Variants in MED27 observed in about 807,000 individuals in gnomAD.
MED27 encodes the protein mediator of RNA polymerase II transcription subunit 27.
Under a neutral mutation model 38.2 loss-of-function variants are expected in MED27, and 30 were observed. That is an observed-to-expected ratio of 0.79 (90% CI 0.59 to 1.07). MED27 has a LOEUF of 1.07. Among genes scored for constraint, MED27 ranks in the 50% least tolerant of loss-of-function variants. MED27 has a pLI of 0.00. For synonymous variants in MED27, 122 were observed against 153.5 expected, an observed-to-expected ratio of 0.79 and a Z score of 1.52; for missense variants, 289 against 397.5, an observed-to-expected ratio of 0.73 and a Z score of 2.32.
At chr9:131,942,384 T>C (rs1286579745) in intron 3 of MED27, among the ~76,000 whole-genome samples, 3 of 152,212 alleles carry the variant, frequency 2.0e-5, no homozygotes, top group Admixed American at 1.3e-4. Flanking sequence ...ACCAGGTCAC[T>C]GGAAACATTT....
In MED27 at chr9:132,034,579, C is replaced by T. The variant is rs920699267; in HGVS notation, c.349-20112G>A. Among the ~76,000 whole-genome samples, 9 of 152,202 alleles carry T rather than the reference C, an allele frequency of 5.9e-5. No individual in the cohort carries two copies. In the South Asian group the frequency reaches 6.2e-4, roughly 11 times the overall value. ...GTCGAAAGGTAGCTAAAACTGAGCA[C>T]GTGATCAAGAATGGAACCTCAGCGC... On this transcript the variant is annotated intron_variant, in intron 2 of 7. Transcript: ENST00000292035.
chr9:131,874,383 C>T (rs1589174424), intron 6 of MED27, among the ~76,000 whole-genome samples: 1 of 152,332 alleles, frequency 6.6e-6, no homozygotes, highest in East Asian at 1.9e-4. Context: ...GCCACACCTG[C>T]CACATCTCCA....
intron 2 of MED27, among the ~76,000 whole-genome samples, chr9:132,024,243 C>T (rs1303441537): frequency 1.3e-5 from 2 of 152,220 alleles, no homozygotes; most frequent in African/African-American, 4.8e-5. Context: ...ATTGGGCACA[C>T]TCCCTAAGGC....
chr9:131,978,531 A>G (rs1831659713), intron 3 of MED27, among the ~76,000 whole-genome samples: 1 of 152,252 alleles, frequency 6.6e-6, no homozygotes, highest in Non-Finnish European at 1.5e-5. Flanking sequence ...TTAGAGGTCC[A>G]TAGTGAAATG....
At chr9:131,995,603 C>G (rs1038507887) in intron 3 of MED27, among the ~76,000 whole-genome samples, 1 of 152,162 alleles carries the variant, frequency 6.6e-6, no homozygotes, top group African/African-American at 2.4e-5. Flanking sequence ...GAGTCAGCAC[C>G]ACCATCCAAG....
chr9:132,064,400 G>C (rs1833766432), intron 2 of MED27, among the ~76,000 whole-genome samples: 1 of 152,176 alleles, frequency 6.6e-6, no homozygotes. Flanking sequence ...CTTTGCTACA[G>C]AGTCACCAAT....
At chr9:132,077,172 A>G (rs1192569315) in intron 2 of MED27, among the ~76,000 whole-genome samples, 1 of 152,232 alleles carries the variant, frequency 6.6e-6, no homozygotes, top group Non-Finnish European at 1.5e-5. Flanking sequence ...TAAGGGGTTC[A>G]TAAGAGTTGC....
intron 6 of MED27, among the ~76,000 whole-genome samples, chr9:131,877,871 G>A (rs953390925): frequency 6.6e-6 from 1 of 152,204 alleles, no homozygotes; most frequent in Non-Finnish European, 1.5e-5. Flanking sequence ...TCAGAGAACT[G>A]AGTCTTCTAG....
intron 2 of MED27, among the ~76,000 whole-genome samples, chr9:132,069,946 C>G (rs1405934880): frequency 6.6e-6 from 1 of 152,168 alleles, no homozygotes; most frequent in Non-Finnish European, 1.5e-5. Flanking sequence ...TTAAAATGAG[C>G]AAGAATAAAG....
intron 3 of MED27, among the ~76,000 whole-genome samples, chr9:131,983,403 T>C (rs1270320271): frequency 2.0e-5 from 3 of 152,232 alleles, no homozygotes; most frequent in African/African-American, 7.2e-5. Flanking sequence ...CAGTGTTTTG[T>C]CATTCTGCAA....
At chr9:131,900,167 C>T (rs1305083026) in intron 4 of MED27, among the ~76,000 whole-genome samples, 2 of 152,176 alleles carry the variant, frequency 1.3e-5, no homozygotes, top group African/African-American at 2.4e-5. Context: ...AAGCCCAGCC[C>T]GCCTCCCATC....
intron 2 of MED27, among the ~76,000 whole-genome samples, chr9:132,037,752 G>A (rs1049968448): frequency 6.6e-6 from 1 of 152,146 alleles, no homozygotes; most frequent in African/African-American, 2.4e-5. Context: ...AAATGAAAGT[G>A]GGCAAAACAG....
At chr9:131,922,384 G>A (rs1830408802) in intron 4 of MED27, among the ~76,000 whole-genome samples, 1 of 150,398 alleles carries the variant, frequency 6.6e-6, no homozygotes, top group African/African-American at 2.4e-5. Context: ...TATTTATTTT[G>A]GTGTTCAATT....
Position 131,860,772 on chromosome 9 carries a change from C to A in MED27, c.802-100G>T, listed in dbSNP as rs561740016. 3 of 1,400,262 alleles carry A rather than the reference C, an allele frequency of 2.1e-6. No individual in the cohort carries two copies. Among genetic ancestry groups the A allele is most frequent in the East Asian group, 5.0e-5 (2 of 39,950 alleles). 86.7% of individuals were successfully genotyped at this position (1,400,262 alleles called of 1,614,324 possible). Reference sequence around the variant, plus strand: ...TAATGGCCCAGACAACTTAAGTTGGCTTTGGCCCCAGAAGATGCCCTGTGA... The same window carrying A: ...TAATGGCCCAGACAACTTAAGTTGGATTTGGCCCCAGAAGATGCCCTGTGA... On this transcript the variant is annotated intron_variant, in intron 7 of 7. Coordinates refer to ENST00000292035, the MANE Select transcript of MED27 (RefSeq NM_004269.4). This position sits in a 1 kb window ranked among gnomAD's most constrained non-coding sequence, Gnocchi z 5.8.
chr9:132,054,273 A>G lies in MED27; in HGVS notation c.348+23169T>C, dbSNP rs573231431. Among the ~76,000 whole-genome samples, 984 of 152,228 alleles carry G rather than the reference A, an allele frequency of 6.5e-3. 8 individuals carry two copies. Among genetic ancestry groups the G allele is most frequent in the Middle Eastern group, 0.014 (4 of 292 alleles). ...TGTGCGGCACCGCCCCGCTCCTCTC[A>G]GTGCTCCTGCTCTGACCATGTGAGG... On this transcript the variant is annotated intron_variant, in intron 2 of 7. Transcript: ENST00000292035.
intron 2 of MED27, among the ~76,000 whole-genome samples, chr9:132,038,135 A>C (rs1381128044): frequency 6.6e-6 from 1 of 150,874 alleles, no homozygotes; most frequent in Non-Finnish European, 1.5e-5. Context: ...TCATTCATTC[A>C]TTCATTCAGC....
At chr9:132,047,443 C>CACAA (rs1375194111) in intron 2 of MED27, among the ~76,000 whole-genome samples, 1 of 136,590 alleles carries the variant, frequency 7.3e-6, no homozygotes, top group African/African-American at 3.0e-5. Context: ...ATGTTTTAGA[C>CACAA]ACACACACAC....
At chr9:131,972,380 TATAA>T (rs1336066280) in intron 3 of MED27, among the ~76,000 whole-genome samples, 3 of 152,152 alleles carry the variant, frequency 2.0e-5, no homozygotes, top group Non-Finnish European at 4.4e-5. Flanking sequence ...GGTTCTGCAC[TATAA>T]ATAGAGACAG....
intron 2 of MED27, among the ~76,000 whole-genome samples, chr9:132,025,837 G>C (rs9411335): frequency 6.6e-6 from 1 of 152,050 alleles, no homozygotes. Flanking sequence ...ATTATGATTA[G>C]TGTTAATCGG....
Sources: allele counts gnomAD v4.1 joint callset (sites outside exome capture counted in the v4.1 genomes callset), GRCh38; gene constraint gnomAD v4.1.1; non-coding constraint Gnocchi (gnomAD v3.1); transcripts MANE v1.5; gene names NCBI Gene and HGNC (gene_info 2026-07-23, HGNC 2026-07-21).